PTPRC: variants seen among roughly 807,000 people sequenced by gnomAD.
The protein encoded by PTPRC is receptor-type tyrosine-protein phosphatase C.
PTPRC carries 44 observed loss-of-function variants against 155.9 expected under a neutral mutation model. The observed-to-expected ratio is 0.28, with a 90% CI of 0.22 to 0.36. The LOEUF (loss-of-function observed/expected upper bound fraction) is 0.36, where lower values mean the gene tolerates loss of function less well. PTPRC is among the 10% of genes least tolerant of loss of function. The pLI is 1.00. For synonymous variants in PTPRC, 525 were observed against 533.1 expected, an observed-to-expected ratio of 0.98 and a Z score of 0.21; for missense variants, 1,401 against 1,564.6, an observed-to-expected ratio of 0.90 and a Z score of 1.76.
intron 8 of PTPRC, among the ~76,000 whole-genome samples, chr1:198,705,786 A>G (rs1372707040): frequency 6.6e-6 from 1 of 152,002 alleles, no homozygotes; most frequent in African/African-American, 2.4e-5. Flanking sequence ...CTCTTCCTCT[A>G]CAATTGGAAT....
At position 198,734,349 on chromosome 1, in the gene PTPRC, A is replaced by T. The variant is rs745727510; in HGVS notation, c.2201A>T (p.Asp734Val). ...AAQGPRDETV[D>V]DFWRMIWEQK... is the part of the protein sequence containing the mutation. ...CTAGGTCCCAGGGATGAAACTGTTG[A>T]TGATTTCTGGAGGATGATTTGGGAA... Residue 734 changes from aspartate to valine, a missense_variant, in exon 22 of 33, where the codon GAT becomes GTT. By Grantham distance (152) the Asp-to-Val change is radical. Coordinates refer to ENST00000442510, the MANE Select transcript of PTPRC (RefSeq NM_002838.5). The T allele has an allele frequency of 6.2e-7, 1 of 1,611,220 alleles. No individual in the cohort carries two copies. Among genetic ancestry groups the T allele is most frequent in the South Asian group, 1.1e-5 (1 of 91,030 alleles).
chr1:198,689,251 C>T (rs921916006), intron 2 of PTPRC, among the ~76,000 whole-genome samples: 2 of 152,050 alleles, frequency 1.3e-5, no homozygotes, highest in African/African-American at 4.8e-5. Context: ...GGAACATATA[C>T]GTAGTCTGAT....
chr1:198,729,987 T>C (rs1654315834), intron 17 of PTPRC, among the ~76,000 whole-genome samples: 1 of 152,046 alleles, frequency 6.6e-6, no homozygotes, highest in Non-Finnish European at 1.5e-5. Context: ...CTGCTCCCAC[T>C]AAAGACACAT....
At chr1:198,717,494 C>G (rs1158324975) in intron 13 of PTPRC, among the ~76,000 whole-genome samples, 1 of 152,122 alleles carries the variant, frequency 6.6e-6, no homozygotes, top group African/African-American at 2.4e-5. Context: ...CTCCAGAGAC[C>G]CTAACGGGCA....
intron 2 of PTPRC, among the ~76,000 whole-genome samples, chr1:198,648,686 A>T (rs1663068148): frequency 1.3e-5 from 2 of 151,814 alleles, no homozygotes. Flanking sequence ...AATTCACATA[A>T]GATTGTATGA....
At chr1:198,695,727 T>C (rs1219190544) in intron 3 of PTPRC, among the ~76,000 whole-genome samples, 1 of 152,218 alleles carries the variant, frequency 6.6e-6, no homozygotes, top group Non-Finnish European at 1.5e-5. Flanking sequence ...TTCAGTATTT[T>C]AAATTGTATC....
At chr1:198,722,394 A>AT in intron 14 of PTPRC, 22 bp from the exon 15 acceptor site, 2 of 1,355,310 alleles carry the variant, frequency 1.5e-6, no homozygotes, top group Non-Finnish European at 2.0e-6. Flanking sequence ...TAATTATTTT[A>AT]TTTTTTGTTA....
intron 2 of PTPRC, among the ~76,000 whole-genome samples, chr1:198,677,836 G>C (rs1172210697): frequency 6.6e-6 from 1 of 151,948 alleles, no homozygotes; most frequent in Non-Finnish European, 1.5e-5. Flanking sequence ...ACTAAACCTC[G>C]GAAATATCAT....
chr1:198,733,583 T>C (rs1348186230), intron 20 of PTPRC, among the ~76,000 whole-genome samples: 1 of 151,772 alleles, frequency 6.6e-6, no homozygotes, highest in Non-Finnish European at 1.5e-5. Flanking sequence ...CTGAGATAAT[T>C]CTGGAAGAAG....
At chr1:198,703,442 T>G (rs1558008887) in intron 7 of PTPRC, 70 bp downstream of exon 7, 1 of 1,604,734 alleles carries the variant, frequency 6.2e-7, no homozygotes, top group Non-Finnish European at 8.5e-7. Context: ...ACAAGGGCCT[T>G]CCACCCACTC....
chr1:198,695,701 G>A (rs1666170025), intron 3 of PTPRC, among the ~76,000 whole-genome samples: 1 of 151,978 alleles, frequency 6.6e-6, no homozygotes, highest in Admixed American at 6.6e-5. Flanking sequence ...AAGTAAACTT[G>A]AGCTGTGGAT....
chr1:198,656,586 G>A (rs549165264), intron 2 of PTPRC, among the ~76,000 whole-genome samples: 6 of 151,786 alleles, frequency 4.0e-5, no homozygotes, highest in African/African-American at 1.5e-4. Flanking sequence ...GGCAATCAGT[G>A]CCAGAACAGA....
chr1:198,699,412 C>A, intron 4 of PTPRC, 152 bp from the exon 5 acceptor site: 1 of 983,476 alleles, frequency 1.0e-6, no homozygotes, highest in Non-Finnish European at 1.5e-6. Flanking sequence ...TCCAGCCAAG[C>A]AAATTTAAAT....
chr1:198,713,279 G>C (rs1054159989), intron 12 of PTPRC, among the ~76,000 whole-genome samples: 2 of 152,116 alleles, frequency 1.3e-5, no homozygotes, highest in African/African-American at 4.8e-5. Context: ...CTAAATATTT[G>C]CTTGTCCTTC....
At chr1:198,642,315 C>T (rs1341145560) in intron 2 of PTPRC, among the ~76,000 whole-genome samples, 1 of 151,906 alleles carries the variant, frequency 6.6e-6, no homozygotes, top group Non-Finnish European at 1.5e-5. Flanking sequence ...TAGATACTCA[C>T]ACATAAACTA....
chr1:198,664,740 TCTC>T (rs1280362699), intron 2 of PTPRC, among the ~76,000 whole-genome samples: 9 of 152,060 alleles, frequency 5.9e-5, no homozygotes, highest in Non-Finnish European at 1.2e-4. Flanking sequence ...GACTACAAAA[TCTC>T]CTCTCCGAGG....
chr1:198,744,342 C>T (rs548734901), intron 26 of PTPRC, 139 bp downstream of exon 26: 5 of 844,122 alleles, frequency 5.9e-6, no homozygotes, highest in South Asian at 5.9e-5. Flanking sequence ...GATGAGAAAA[C>T]TAGGACACAG....
chr1:198,639,372 T>A, intron 2 of PTPRC, 31 bp downstream of exon 2: 1 of 1,505,482 alleles, frequency 6.6e-7, no homozygotes, highest in South Asian at 1.2e-5. Context: ...ATTTTTTAAA[T>A]TATTTTTTCT....
chr1:198,652,874 C>G (rs1379188436), intron 2 of PTPRC, among the ~76,000 whole-genome samples: 1 of 151,514 alleles, frequency 6.6e-6, no homozygotes, highest in Non-Finnish European at 1.5e-5. Flanking sequence ...AAGGGCGGCT[C>G]GATGGTGTGG....
Sources: gnomAD v4.1 joint callset for allele counts (sites outside exome capture counted in the v4.1 genomes callset) on GRCh38, gnomAD v4.1.1 for gene constraint, MANE v1.5 for transcripts, NCBI Gene and HGNC (gene_info 2026-07-23, HGNC 2026-07-21) for gene names.